The following KHDRBS2 variants were observed in gnomAD, a reference collection of about 807,000 sequenced individuals.
KHDRBS2 encodes KH domain-containing, RNA-binding, signal transduction-associated protein 2.
Under a neutral mutation model 44.3 loss-of-function variants are expected in KHDRBS2, and 26 were observed. That is an observed-to-expected ratio of 0.59 (90% confidence interval 0.43 to 0.81). KHDRBS2 has a LOEUF of 0.81. Among genes scored for constraint, KHDRBS2 ranks in the 40% least tolerant of loss-of-function variants. The pLI, the probability that KHDRBS2 is intolerant of heterozygous loss-of-function variation, is 0.00. For missense variants in KHDRBS2, 476 were observed against 433.1 expected, an observed-to-expected ratio of 1.10 and a Z score of -0.88; for synonymous variants, 194 against 151.1, an observed-to-expected ratio of 1.28 and a Z score of -2.08.
At chr6:62,074,019 A>G (rs1193464482) in intron 2 of KHDRBS2, among the ~76,000 whole-genome samples, 1 of 151,788 alleles carries the variant, frequency 6.6e-6, no homozygotes, top group Non-Finnish European at 1.5e-5. Context: ...ATGGATCACA[A>G]TCAACTCAGA....
intron 4 of KHDRBS2, among the ~76,000 whole-genome samples, chr6:61,943,125 A>G (rs1812500206): frequency 6.6e-6 from 1 of 151,822 alleles, no homozygotes; most frequent in African/African-American, 2.4e-5. Context: ...GAAAAAAGAA[A>G]AGAAAGAAAG....
intron 3 of KHDRBS2, among the ~76,000 whole-genome samples, chr6:61,983,239 T>TA (rs1554304684): frequency 2.4e-5 from 2 of 83,186 alleles, no homozygotes; most frequent in African/African-American, 4.2e-5. Context: ...TTTCTTTCTT[T>TA]TTTTTTTTTT....
At chr6:61,904,587 T>G (rs892046051) in intron 4 of KHDRBS2, among the ~76,000 whole-genome samples, 1 of 152,162 alleles carries the variant, frequency 6.6e-6, no homozygotes, top group Non-Finnish European at 1.5e-5. Context: ...ACCCAAAAGC[T>G]TCTCCCAGCT....
chr6:61,978,538 GA>G (rs2127403463), intron 3 of KHDRBS2, among the ~76,000 whole-genome samples: 2 of 152,154 alleles, frequency 1.3e-5, no homozygotes, highest in African/African-American at 4.8e-5. Context: ...CTACATTCTG[GA>G]AGGGAAGAAT....
chr6:62,230,670 T>A (rs1327989614), intron 1 of KHDRBS2, among the ~76,000 whole-genome samples: 3 of 152,126 alleles, frequency 2.0e-5, no homozygotes, highest in African/African-American at 7.2e-5. Context: ...ATTATTACTA[T>A]CTCCAATTTG....
At chr6:61,606,626 G>A in the KHDRBS2 span, among the ~76,000 whole-genome samples, 4 of 152,240 alleles carry the variant, frequency 2.6e-5, no homozygotes, top group African/African-American at 7.2e-5. Flanking sequence ...CAGGTTATAG[G>A]AAAGAGAAAG....
chr6:61,880,367 G>C (rs540353993), intron 6 of KHDRBS2, among the ~76,000 whole-genome samples: 3 of 151,972 alleles, frequency 2.0e-5, no homozygotes, highest in South Asian at 4.1e-4. Context: ...GGAAGGGAGA[G>C]GATTTGGTAG....
downstream of KHDRBS2, among the ~76,000 whole-genome samples, chr6:61,675,927 C>T (rs1765906269): frequency 6.6e-6 from 1 of 151,718 alleles, no homozygotes; most frequent in Admixed American, 6.6e-5. Flanking sequence ...TATGCTTAGG[C>T]TGCACTATTA....
chr6:62,007,065 T>C (rs1779375437), intron 3 of KHDRBS2, among the ~76,000 whole-genome samples: 1 of 152,096 alleles, frequency 6.6e-6, no homozygotes, highest in African/African-American at 2.4e-5. Flanking sequence ...ATTGCTTCTG[T>C]GATCAGACAG....
At chr6:62,088,000 C>A (rs13201244) in intron 2 of KHDRBS2, among the ~76,000 whole-genome samples, 3,768 of 152,200 alleles carry the variant, frequency 0.025, 61 homozygotes, top group Middle Eastern at 0.041. Context: ...TTAATACTTG[C>A]GTATGCTTCA....
chr6:61,866,454 G>T (rs1797820928), intron 6 of KHDRBS2, among the ~76,000 whole-genome samples: 1 of 152,152 alleles, frequency 6.6e-6, no homozygotes, highest in South Asian at 2.1e-4. Flanking sequence ...CACAACATGG[G>T]GACACTGGCC....
the KHDRBS2 span, among the ~76,000 whole-genome samples, chr6:61,581,524 T>C: frequency 6.7e-6 from 1 of 148,392 alleles, no homozygotes; most frequent in African/African-American, 2.5e-5. Flanking sequence ...ATATATAATA[T>C]AGATTATAAT....
chr6:61,985,874 T>C (rs1269272815), intron 3 of KHDRBS2, among the ~76,000 whole-genome samples: 1 of 152,074 alleles, frequency 6.6e-6, no homozygotes, highest in Non-Finnish European at 1.5e-5. Flanking sequence ...ACCAGCAAAA[T>C]TAAAAATAAA....
At chr6:61,656,215 CTT>C in the KHDRBS2 span, among the ~76,000 whole-genome samples, 1 of 151,986 alleles carries the variant, frequency 6.6e-6, no homozygotes, top group Admixed American at 6.6e-5. Context: ...TTTAGGCAGT[CTT>C]TTAAGAGAAG....
At chr6:61,938,978 G>T (rs192787368) in intron 4 of KHDRBS2, among the ~76,000 whole-genome samples, 1 of 152,188 alleles carries the variant, frequency 6.6e-6, no homozygotes, top group African/African-American at 2.4e-5. Flanking sequence ...TTCAGTGGAG[G>T]CTATTTGCCT....
intron 2 of KHDRBS2, among the ~76,000 whole-genome samples, chr6:62,152,784 T>C (rs1385072619): frequency 3.3e-5 from 5 of 152,174 alleles, no homozygotes; most frequent in African/African-American, 1.2e-4. Context: ...GTGGCTGTCA[T>C]TCACATACAC....
the KHDRBS2 span, among the ~76,000 whole-genome samples, chr6:61,671,162 C>G: frequency 1.3e-5 from 2 of 151,628 alleles, no homozygotes; most frequent in Non-Finnish European, 3.0e-5. Context: ...AGAGGGAAAA[C>G]AGTAGAACGT....
chr6:62,097,108 T>G (rs1235990641), intron 2 of KHDRBS2, among the ~76,000 whole-genome samples: 4 of 146,234 alleles, frequency 2.7e-5, no homozygotes, highest in Non-Finnish European at 6.1e-5. Context: ...TATAATTTTG[T>G]TTTTTTTTTT....
At chr6:62,068,809 T>C (rs1013407994) in intron 2 of KHDRBS2, among the ~76,000 whole-genome samples, 3 of 151,690 alleles carry the variant, frequency 2.0e-5, no homozygotes, top group Non-Finnish European at 4.4e-5. Flanking sequence ...TGACCACAGA[T>C]TTATGGATTT....
Sources: gnomAD v4.1 joint callset for allele counts (sites outside exome capture counted in the v4.1 genomes callset) on GRCh38, gnomAD v4.1.1 for gene constraint, MANE v1.5 for transcripts, NCBI Gene and HGNC (gene_info 2026-07-23, HGNC 2026-07-21) for gene names.